The following CCDC141 variants were observed in gnomAD, a reference collection of about 807,000 sequenced individuals.
CCDC141 encodes the protein coiled-coil domain containing 141, also known as coiled-coil domain-containing protein 141.
CCDC141 carries 168 observed loss-of-function variants against 181.0 expected under a neutral mutation model. The observed-to-expected ratio is 0.93, with a 90% confidence interval of 0.82 to 1.05. CCDC141 has a LOEUF of 1.05. CCDC141 is among the 50% of genes least tolerant of loss of function. The pLI, the probability that CCDC141 is intolerant of heterozygous loss-of-function variation, is 0.00. For missense variants in CCDC141, 1,902 were observed against 1,788.5 expected (o/e 1.06, Z -1.14); for synonymous variants, 666 against 642.3 (o/e 1.04, Z -0.56).
intron 6 of CCDC141, among the ~76,000 whole-genome samples, chr2:178,921,969 T>G (rs547386995): frequency 6.6e-6 from 1 of 152,316 alleles, no homozygotes; most frequent in Admixed American, 6.5e-5. Flanking sequence ...TTAAAAAGAT[T>G]TGGCATTGAT....
At chr2:179,025,242 T>C (rs2042803972) in intron 2 of CCDC141, among the ~76,000 whole-genome samples, 1 of 152,092 alleles carries the variant, frequency 6.6e-6, no homozygotes, top group Admixed American at 6.5e-5. Context: ...TGATAGGTAA[T>C]TTTTTGATCT....
At chr2:178,852,577 A>C (rs995664180) in intron 20 of CCDC141, among the ~76,000 whole-genome samples, 5 of 152,222 alleles carry the variant, frequency 3.3e-5, no homozygotes, top group Non-Finnish European at 7.3e-5. Flanking sequence ...CAACAATTTA[A>C]GTAGTATACT....
Position 178,884,927 on chromosome 2 carries a change from C to T in CCDC141, c.1693G>A (p.Val565Met), listed in dbSNP as rs1262000432. Reference sequence around the variant, plus strand: ...TCCTCTGATGACTTCAGAAATGCCACGTAAGTTTGCAGGACTTGCGATCTA... The same window carrying T: ...TCCTCTGATGACTTCAGAAATGCCATGTAAGTTTGCAGGACTTGCGATCTA... ...DYRSQVLQTYVAFLKSSEEVE... is the reference protein window; with the variant it reads ...DYRSQVLQTYMAFLKSSEEVE... Residue 565 changes from valine to methionine, a missense_variant, in exon 11 of 24, where the codon GTG becomes ATG. Transcript: ENST00000443758. The T allele has an allele frequency of 1.9e-6, 3 of 1,550,254 alleles. No homozygotes were observed. The highest frequency in any genetic ancestry group is 1.2e-5 in the South Asian group (1 of 84,024).
chr2:178,979,202 G>T lies in CCDC141; in HGVS notation c.226-527C>A, dbSNP rs192890186. ...CTATAACCAACATTATCTACTGTTTGAACAAAATATGAAAAATGAAAAGGA... is the reference window on the plus strand; with the variant it reads ...CTATAACCAACATTATCTACTGTTTTAACAAAATATGAAAAATGAAAAGGA... On this transcript the variant is annotated intron_variant, in intron 2 of 23. Coordinates refer to ENST00000443758, the MANE Select transcript of CCDC141 (RefSeq NM_173648.4). Among the ~76,000 whole-genome samples the T allele has an allele frequency of 6.6e-5, 10 of 152,136 alleles. No individual in the cohort carries two copies. In the East Asian group the frequency reaches 1.9e-3, roughly 29 times the overall value.
intron 2 of CCDC141, among the ~76,000 whole-genome samples, chr2:178,991,069 T>C (rs757770545): frequency 6.6e-6 from 1 of 152,218 alleles, no homozygotes; most frequent in African/African-American, 2.4e-5. Flanking sequence ...AGCTATTGGC[T>C]ACTGAAACAA....
At chr2:178,987,415 C>A (rs1691807442) in intron 2 of CCDC141, among the ~76,000 whole-genome samples, 1 of 152,024 alleles carries the variant, frequency 6.6e-6, no homozygotes, top group Non-Finnish European at 1.5e-5. Context: ...TGTGCAAGGA[C>A]TTCATGTCTA....
chr2:178,870,231 C>CAAAAAAAAAAA (rs34625707), intron 14 of CCDC141, among the ~76,000 whole-genome samples: 7 of 60,290 alleles, frequency 1.2e-4, no homozygotes, highest in Non-Finnish European at 1.9e-4. Flanking sequence ...GACTCTGTCT[C>CAAAAAAAAAAA]AAAAAAAAAA....
chr2:178,946,531 C>T (rs1370034457), intron 5 of CCDC141, among the ~76,000 whole-genome samples: 3 of 152,072 alleles, frequency 2.0e-5, no homozygotes, highest in Non-Finnish European at 4.4e-5. Context: ...GACTTGACAT[C>T]TCAAGAATGC....
chr2:178,915,823 C>G (rs903624676), intron 7 of CCDC141: 1 of 152,252 alleles, frequency 6.6e-6, no homozygotes. Context: ...AGACAAAGAG[C>G]AGGCATGCTT....
At position 178,871,449 on chromosome 2, in the gene CCDC141, T is replaced by C. The variant is rs151185557; in HGVS notation, c.2183A>G (p.Asn728Ser). 4.3e-5 allele frequency: 69 copies of C among 1,613,902 alleles called. No homozygotes were observed. Among genetic ancestry groups the C allele is most frequent in the Non-Finnish European group, 5.3e-5 (62 of 1,179,874 alleles). The change falls in exon 14 of 24, where the codon AAT becomes AGT. Residue 728 changes from asparagine (N) to serine (S), a missense_variant. Asn to Ser is a conservative substitution (Grantham distance 46, BLOSUM62 1). Transcript: ENST00000443758. ...QFILDLRQKW[N>S]DMKPQFQQLN... ...CACCTGGAACTGAGGCTTCATGTCATTCCATTTTTGTCGTAGATCTAAAAT... is the reference window on the plus strand; with the variant it reads ...CACCTGGAACTGAGGCTTCATGTCACTCCATTTTTGTCGTAGATCTAAAAT...
At chr2:178,998,637 T>C (rs1396370583) in intron 2 of CCDC141, among the ~76,000 whole-genome samples, 3 of 152,330 alleles carry the variant, frequency 2.0e-5, no homozygotes, top group Non-Finnish European at 2.9e-5. Flanking sequence ...TAATTAATAC[T>C]GTTGCATGGT....
At chr2:178,855,776 T>C (rs1180508180) in intron 18 of CCDC141, among the ~76,000 whole-genome samples, 2 of 152,222 alleles carry the variant, frequency 1.3e-5, no homozygotes, top group Non-Finnish European at 2.9e-5. Flanking sequence ...TTGAGACTAG[T>C]AATATGATCT....
At chr2:178,836,762 AAT>A (rs1172665963) in intron 23 of CCDC141, 130 bp downstream of exon 23, 3 of 950,232 alleles carry the variant, frequency 3.2e-6, no homozygotes, top group Non-Finnish European at 4.7e-6. Context: ...TGTGAGATTG[AAT>A]CATGCAGAGT....
At chr2:178,922,841 A>T (rs1247279650) in intron 6 of CCDC141, among the ~76,000 whole-genome samples, 1 of 152,204 alleles carries the variant, frequency 6.6e-6, no homozygotes, top group East Asian at 1.9e-4. Flanking sequence ...CCTTCCAAAG[A>T]AACTGTAAGG....
At position 178,834,048 on chromosome 2, in the gene CCDC141, C is replaced by G; in HGVS notation, c.*125G>C. On this transcript the variant is annotated 3_prime_UTR_variant, in exon 24 of 24. Transcript: ENST00000443758. ...TCACCTAGCAGTGGTATTAGCCAAA[C>G]AAGTATGGTGATCAGACTGGAGATA... is the stretch of plus-strand genomic sequence containing the variant. 1 of 986,452 alleles carries G rather than the reference C, an allele frequency of 1.0e-6. No homozygotes were observed. Among genetic ancestry groups the G allele is most frequent in the Non-Finnish European group, 1.5e-6 (1 of 679,312 alleles). The allele number at this position is 986,452 out of a possible 1,614,324, so 61.1% of individuals were successfully genotyped here. A position where few individuals can be genotyped will look rare whatever the true frequency, so the allele number is the denominator to read the frequency against.
intron 14 of CCDC141, among the ~76,000 whole-genome samples, chr2:178,869,589 ATATTC>A (rs1237148236): frequency 6.6e-6 from 1 of 152,246 alleles, no homozygotes; most frequent in African/African-American, 2.4e-5. Flanking sequence ...GGCATACCAA[ATATTC>A]TATTCATCTG....
intron 22 of CCDC141, among the ~76,000 whole-genome samples, chr2:178,839,595 A>AAAAG (rs1487287012): frequency 6.6e-6 from 1 of 150,548 alleles, no homozygotes; most frequent in African/African-American, 2.4e-5. Flanking sequence ...AAAAAAAAAA[A>AAAAG]AAAAAAAAAA....
chr2:178,829,090 T>C (rs139845508), downstream of CCDC141, among the ~76,000 whole-genome samples: 3 of 152,342 alleles, frequency 2.0e-5, no homozygotes, highest in African/African-American at 7.2e-5. Flanking sequence ...CTTCATGTTA[T>C]GTAACTATTA....
chr2:178,975,001 A>G lies in CCDC141; in HGVS notation c.526+56T>C, dbSNP rs143596162. 6,599 of 835,132 alleles carry G rather than the reference A, an allele frequency of 7.9e-3. 98 individuals are homozygous for G. Among genetic ancestry groups the G allele is most frequent in the South Asian group, 0.042 (1,990 of 47,142 alleles). The allele number at this position is 835,132 out of a possible 1,614,324, so 51.7% of individuals were successfully genotyped here. A position where few individuals can be genotyped will look rare whatever the true frequency, so the allele number is the denominator to read the frequency against. On this transcript the variant is annotated intron_variant, in intron 4 of 23. Transcript: ENST00000443758. ...CACTATCATACATAAGCATTCTCAC[A>G]TTAACATCTTTTAAAACCTCTAAAC...
Sources: allele counts gnomAD v4.1 joint callset (sites outside exome capture counted in the v4.1 genomes callset), GRCh38; gene constraint gnomAD v4.1.1; transcripts MANE v1.5; gene names NCBI Gene and HGNC (gene_info 2026-07-23, HGNC 2026-07-21).